The following PARP12 variants were observed in gnomAD, a reference collection of about 807,000 sequenced individuals.
PARP12 encodes protein mono-ADP-ribosyltransferase PARP12.
A neutral mutation model predicts 72.4 loss-of-function variants in PARP12; 59 were observed. The ratio of observed to expected loss-of-function variants is 0.81; its 90% CI spans 0.66 to 1.01. The LOEUF is 1.01. PARP12 is among the 50% of genes least tolerant of loss of function. PARP12 has a pLI of 0.00. For missense variants in PARP12, 851 were observed against 914.0 expected (o/e 0.93, Z 0.89); for synonymous variants, 403 against 371.4 (o/e 1.09, Z -0.98).
intron 9 of PARP12, among the ~76,000 whole-genome samples, chr7:140,027,821 G>T (rs1815792614): frequency 6.6e-6 from 1 of 152,114 alleles, no homozygotes; most frequent in African/African-American, 2.4e-5. Flanking sequence ...CCACCATCGA[G>T]GGTATCCCCT....
At chr7:140,054,845 G>A in intron 3 of PARP12, 82 bp from the exon 4 acceptor site, 2 of 1,235,060 alleles carry the variant, frequency 1.6e-6, no homozygotes, top group Non-Finnish European at 2.3e-6. Flanking sequence ...TCAGTTCTCT[G>A]CACAAAAGTG....
intron 1 of PARP12, among the ~76,000 whole-genome samples, chr7:140,059,384 A>G (rs1036109560): frequency 1.4e-5 from 2 of 146,250 alleles, no homozygotes; most frequent in African/African-American, 5.1e-5. Context: ...ACACACACAC[A>G]CAGAGCCCTG....
chr7:140,054,100 C>A, intron 4 of PARP12, among the ~76,000 whole-genome samples: 1 of 152,128 alleles, frequency 6.6e-6, no homozygotes, highest in Middle Eastern at 3.2e-3. Context: ...CCCAGGACAG[C>A]ATTTAAGAAG....
At chr7:140,030,162 T>C (rs1815885776) in intron 8 of PARP12, among the ~76,000 whole-genome samples, 1 of 152,184 alleles carries the variant, frequency 6.6e-6, no homozygotes, top group Non-Finnish European at 1.5e-5. Context: ...AAGAAGCACC[T>C]GTTAGACCAA....
At chr7:140,034,023 GC>G in intron 8 of PARP12, 1 of 1,203,664 alleles carries the variant, frequency 8.3e-7, no homozygotes, top group African/African-American at 1.6e-5. Context: ...ACAACAGGCA[GC>G]CTTCTAATTA....
chr7:140,042,570 G>C (rs1439956289), intron 5 of PARP12, among the ~76,000 whole-genome samples: 3 of 152,238 alleles, frequency 2.0e-5, no homozygotes, highest in Admixed American at 1.3e-4. Context: ...AACAAATGTA[G>C]GGTCTGAGTA....
chr7:140,050,745 G>A (rs1292388393), intron 4 of PARP12, among the ~76,000 whole-genome samples: 1 of 152,016 alleles, frequency 6.6e-6, no homozygotes, highest in Non-Finnish European at 1.5e-5. Context: ...AACACCATAA[G>A]AGAAAACATT....
chr7:140,041,470 A>G, intron 6 of PARP12, 174 bp downstream of exon 6: 1 of 570,046 alleles, frequency 1.8e-6, no homozygotes, highest in South Asian at 2.8e-5. Flanking sequence ...ATACAAATAA[A>G]TTCCAACTTA....
At chr7:140,027,627 A>T in intron 9 of PARP12, 1 of 385,742 alleles carries the variant, frequency 2.6e-6, no homozygotes, top group South Asian at 3.4e-5. Flanking sequence ...AAAACAACAA[A>T]CCTCTTGTTT....
At chr7:140,033,245 T>C in intron 8 of PARP12, 2 of 985,442 alleles carry the variant, frequency 2.0e-6, no homozygotes, top group African/African-American at 1.7e-5. Flanking sequence ...TCCCAGGAAA[T>C]TACTTTGCTA....
At chr7:140,057,239 G>C (rs1817224926) in intron 2 of PARP12, 86 bp from the exon 3 acceptor site, 3 of 1,274,700 alleles carry the variant, frequency 2.4e-6, no homozygotes, top group Non-Finnish European at 3.3e-6. Flanking sequence ...TGGTGAGAAA[G>C]GGGCTTCACA....
At chr7:140,059,345 T>C (rs1329875942) in intron 1 of PARP12, among the ~76,000 whole-genome samples, 1 of 143,968 alleles carries the variant, frequency 6.9e-6, no homozygotes, top group Admixed American at 7.1e-5. Flanking sequence ...CATATGTGCA[T>C]GCGTGCAGGC....
intron 11 of PARP12, chr7:140,025,683 T>A (rs547506581): frequency 6.8e-5 from 24 of 351,478 alleles, no homozygotes; most frequent in South Asian, 2.8e-4. Context: ...AGGTTTTTTT[T>A]AATTATTATT....
chr7:140,057,117 C>A lies in PARP12; in HGVS notation c.499G>T (p.Gly167Cys). Reference protein sequence around the residue: ...QHYNKGDGPHGSCAFQKQCIK... With the variant: ...QHYNKGDGPHCSCAFQKQCIK... ...CACTGCTTTTGAAAGGCACAAGAGCCGTGGGGTCCATCTCCTTTGTTGTAA... is the reference window on the plus strand; with the variant it reads ...CACTGCTTTTGAAAGGCACAAGAGCAGTGGGGTCCATCTCCTTTGTTGTAA... Residue 167 changes from glycine (G) to cysteine (C), a missense_variant, in exon 3 of 12, where the codon GGC becomes TGC. Gly to Cys is a radical substitution (Grantham distance 159, BLOSUM62 -3). Transcript: ENST00000263549. The A allele has an allele frequency of 6.2e-7, 1 of 1,613,966 alleles. No homozygotes were observed.
rs779611920 is a variant in PARP12, at chr7:140,056,874, C to A, written c.742G>T (p.Val248Phe). 6.2e-7 allele frequency: 1 copy of A among 1,608,254 alleles called. No homozygotes were observed. Among genetic ancestry groups the A allele is most frequent in the South Asian group, 1.1e-5 (1 of 90,484 alleles). The change falls in exon 3 of 12, where the codon GTC becomes TTC. Residue 248 changes from valine to phenylalanine, a missense_variant. Physicochemically the swap from Val to Phe is conservative, Grantham distance 50. Coordinates refer to ENST00000263549, the MANE Select transcript of PARP12 (RefSeq NM_022750.4). ...GCCTTACCAGAAGTCCCCTGTGGGA[C>A]AAAAAGAGGAGGCACTCTGCTGGGG... ...SAPSRVPPLF[V>F]PQGTSERKDS...
intron 4 of PARP12, among the ~76,000 whole-genome samples, chr7:140,051,388 A>AT (rs1218388655): frequency 4.0e-5 from 6 of 150,204 alleles, no homozygotes; most frequent in Admixed American, 2.0e-4. Context: ...CCCTTTAAAG[A>AT]TTTTTTTTCT....
intron 7 of PARP12, 42 bp from the exon 8 acceptor site, chr7:140,034,373 A>G (rs1816070570): frequency 6.8e-7 from 1 of 1,470,972 alleles, no homozygotes; most frequent in African/African-American, 1.4e-5. Context: ...ACATATACAT[A>G]TACATACACA....
rs748252383 is a variant in PARP12, at chr7:140,027,339, G to C, written c.1565C>G (p.Pro522Arg). Residue 522 changes from proline to arginine, a missense_variant, in exon 10 of 12, where the codon CCT (proline) becomes CGT (arginine). Pro to Arg is a moderately radical substitution (Grantham distance 103, BLOSUM62 -2). Coordinates refer to ENST00000263549, the MANE Select transcript of PARP12 (RefSeq NM_022750.4). ...CTCAATCTTCTGAACAAAGTAGAAA[G>C]GCAGCGTGCGGTTAAAGAGGTTCCA... is the stretch of plus-strand genomic sequence containing the variant. ...KVWNLFNRTLPFYFVQKIERV... is the reference protein window; with the variant it reads ...KVWNLFNRTLRFYFVQKIERV... 6.8e-6 allele frequency: 11 copies of C among 1,613,954 alleles called. No homozygotes were observed. The Admixed American group carries it at 1.8e-4, about 27-fold the overall frequency.
chr7:140,040,034 T>C (rs1321176368), intron 6 of PARP12, among the ~76,000 whole-genome samples: 1 of 152,180 alleles, frequency 6.6e-6, no homozygotes, highest in African/African-American at 2.4e-5. Flanking sequence ...TACTTTTGCA[T>C]GGGTTGCCCA....
Sources: allele counts gnomAD v4.1 joint callset (sites outside exome capture counted in the v4.1 genomes callset), GRCh38; gene constraint gnomAD v4.1.1; transcripts MANE v1.5; gene names NCBI Gene and HGNC (gene_info 2026-07-23, HGNC 2026-07-21).